RRBP1: variants seen among roughly 807,000 people sequenced by gnomAD.
RRBP1 encodes ribosome binding protein 1, also known as ribosome-binding protein 1.
Under a neutral mutation model 165.2 loss-of-function variants are expected in RRBP1, and 94 were observed. The ratio of observed to expected loss-of-function variants is 0.57; its 90% CI spans 0.48 to 0.68. The LOEUF is 0.68. Ranked by LOEUF, RRBP1 falls within the 30% of genes least tolerant of loss-of-function variation. The pLI is 0.00. For synonymous variants in RRBP1, 680 were observed against 714.5 expected, an observed-to-expected ratio of 0.95 and a Z score of 0.77; for missense variants, 1,676 against 1,763.0, an observed-to-expected ratio of 0.95 and a Z score of 0.88.
chr20:17,670,591 T>G (rs1273411592), intron 2 of RRBP1, among the ~76,000 whole-genome samples: 1 of 152,218 alleles, frequency 6.6e-6, no homozygotes, highest in East Asian at 1.9e-4. Context: ...TCTCCAACAT[T>G]ATTCTTTTAC....
intron 2 of RRBP1, among the ~76,000 whole-genome samples, chr20:17,672,784 T>C (rs971874019): frequency 6.6e-6 from 1 of 152,236 alleles, no homozygotes; most frequent in African/African-American, 2.4e-5. Flanking sequence ...TAAACTCATA[T>C]ATTCACATGC....
At position 17,636,658 on chromosome 20, in the gene RRBP1, C is replaced by T. The variant is rs748259395; in HGVS notation, c.2256G>A (p.Glu752=). The part of the protein sequence containing the change: ...AKVKKQLVAR[E]QEITAVQARM... ...GTGCCTGCACAGCCGTGATCTCCTG[C>T]TCCCGGGCCACCAGCTGCTTTTTCA... The change falls in exon 6 of 25, where the codon GAG becomes GAA. Residue 752 remains glutamate (E), a synonymous_variant. Coordinates refer to ENST00000377813, the MANE Select transcript of RRBP1 (RefSeq NM_001365613.2). 8 of 1,613,248 alleles carry T rather than the reference C, an allele frequency of 5.0e-6. No homozygotes were observed. In the East Asian group the frequency reaches 1.3e-4, roughly 27 times the overall value.
At position 17,614,857 on chromosome 20, in the gene RRBP1, C is replaced by CTT; in HGVS notation, c.4072_4073dup (p.Leu1359SerfsTer2). On this transcript the variant is annotated frameshift_variant, in exon 24 of 25. Transcript: ENST00000377813. LOFTEE classifies it high-confidence loss of function. ...CGGCGCGCCCCAGGTCACTTGTTAA[C>CTT]TTCTTCTCTTTTTCTAGTCTCTCCT... is the stretch of plus-strand genomic sequence containing the variant. The CTT allele has an allele frequency of 6.2e-7, 1 of 1,613,030 alleles. No homozygotes were observed. The highest frequency in any genetic ancestry group is 8.5e-7 in the Non-Finnish European group (1 of 1,179,892).
chr20:17,614,267 T>A (rs1244541898), intron 24 of RRBP1, 47 bp from the exon 25 acceptor site: 1 of 1,596,008 alleles, frequency 6.3e-7, no homozygotes, highest in Non-Finnish European at 8.6e-7. Flanking sequence ...CCACGAGCCA[T>A]GGCAGAACCA....
chr20:17,617,143 C>T (rs897721460), intron 20 of RRBP1, among the ~76,000 whole-genome samples: 2 of 152,228 alleles, frequency 1.3e-5, no homozygotes, highest in African/African-American at 2.4e-5. Context: ...CAAAGGAATC[C>T]GAATGGAACC....
At chr20:17,645,741 C>T (rs528900116) in intron 3 of RRBP1, among the ~76,000 whole-genome samples, 4 of 152,196 alleles carry the variant, frequency 2.6e-5, no homozygotes, top group Admixed American at 2.0e-4. Flanking sequence ...AGCAAATACT[C>T]GAAGATACCA....
At chr20:17,653,788 C>G (rs1051617692) in intron 3 of RRBP1, among the ~76,000 whole-genome samples, 1 of 147,950 alleles carries the variant, frequency 6.8e-6, no homozygotes, top group Non-Finnish European at 1.5e-5. Context: ...GAGCCGAGAT[C>G]GTGCCATTAC....
At chr20:17,634,507 G>A (rs1348278081) in intron 7 of RRBP1, among the ~76,000 whole-genome samples, 2 of 152,222 alleles carry the variant, frequency 1.3e-5, no homozygotes, top group Non-Finnish European at 2.9e-5. Context: ...GCGGAAGGTC[G>A]TGTGGTGCCC....
intron 19 of RRBP1, chr20:17,619,267 G>T (rs528319872): frequency 1.0e-4 from 21 of 208,546 alleles, no homozygotes; most frequent in African/African-American, 4.6e-4. Context: ...TTGTGCTTCT[G>T]CTTCTGAAGA....
rs2036716648 is a variant in RRBP1, at chr20:17,659,504, G to A, written c.1004C>T (p.Ala335Val). 1 of 1,545,044 alleles carries A rather than the reference G, an allele frequency of 6.5e-7. No individual in the cohort carries two copies. Among genetic ancestry groups the A allele is most frequent in the Non-Finnish European group, 8.7e-7 (1 of 1,145,628 alleles). Residue 335 changes from alanine to valine, a missense_variant, in exon 3 of 25, where the codon GCC (alanine) becomes GTC (valine). By Grantham distance (64) the Ala-to-Val change is moderately conservative. Transcript: ENST00000377813. ...CTCGGCCTTCTTGCCCTGATTCTGG[G>A]CCCCCTCGGCCTTCTTGCCCTGGTT... ...AQNQGKKAEG[A>V]QNQGKKAEGA...
intron 16 of RRBP1, among the ~76,000 whole-genome samples, 174 bp downstream of exon 16, chr20:17,621,284 T>C (rs980704275): frequency 1.4e-4 from 21 of 152,086 alleles, no homozygotes; most frequent in Admixed American, 9.8e-4. Flanking sequence ...TTAGAAACAA[T>C]GACGACCTCA....
At chr20:17,632,973 A>G (rs2036180966) in intron 8 of RRBP1, among the ~76,000 whole-genome samples, 2 of 152,228 alleles carry the variant, frequency 1.3e-5, no homozygotes, top group African/African-American at 4.8e-5. Context: ...GGCTGCGTCC[A>G]CAGCCTGTGG....
At chr20:17,633,973 T>G (rs2036201596) in intron 7 of RRBP1, among the ~76,000 whole-genome samples, 1 of 152,202 alleles carries the variant, frequency 6.6e-6, no homozygotes, top group Non-Finnish European at 1.5e-5. Flanking sequence ...TGTAGGCCTG[T>G]GGGCAGCAGC....
intron 11 of RRBP1, among the ~76,000 whole-genome samples, chr20:17,625,939 C>A (rs1306799820): frequency 6.6e-6 from 1 of 152,186 alleles, no homozygotes; most frequent in Non-Finnish European, 1.5e-5. Context: ...TTCCCTGCAT[C>A]ATGTGACAGC....
At chr20:17,675,765 G>A (rs1240205073) in intron 2 of RRBP1, among the ~76,000 whole-genome samples, 4 of 152,262 alleles carry the variant, frequency 2.6e-5, no homozygotes, top group African/African-American at 9.6e-5. Context: ...AAGCTAGAGC[G>A]AAAGTGCCCT....
chr20:17,668,807 G>C (rs899783218), intron 2 of RRBP1, among the ~76,000 whole-genome samples: 1 of 152,116 alleles, frequency 6.6e-6, no homozygotes, highest in Non-Finnish European at 1.5e-5. Context: ...CGATAATACC[G>C]CACCCCTACC....
intron 7 of RRBP1, among the ~76,000 whole-genome samples, chr20:17,633,926 C>A (rs1470544657): frequency 1.3e-5 from 2 of 152,258 alleles, no homozygotes; most frequent in Non-Finnish European, 2.9e-5. Context: ...TGGGTGCAAA[C>A]CAGCCTTGAG....
intron 2 of RRBP1, among the ~76,000 whole-genome samples, chr20:17,663,064 A>G (rs964299201): frequency 4.6e-5 from 7 of 152,198 alleles, no homozygotes; most frequent in Admixed American, 2.0e-4. Context: ...TAGAGAAACG[A>G]ACATTAGGGG....
At position 17,643,258 on chromosome 20, in the gene RRBP1, G is replaced by C; in HGVS notation, c.1913-131C>G. Reference sequence around the variant, plus strand: ...CTCTCTGACTGCTTGGGGTCAGCAGGCTGAGCATGGCGAGTCTGCTCCAGT... The same window carrying C: ...CTCTCTGACTGCTTGGGGTCAGCAGCCTGAGCATGGCGAGTCTGCTCCAGT... On this transcript the variant is annotated intron_variant, in intron 3 of 24. Coordinates refer to ENST00000377813, the MANE Select transcript of RRBP1 (RefSeq NM_001365613.2). The surrounding 1 kb of genome is among the most constrained non-coding windows in gnomAD (Gnocchi z 4.3). The C allele has an allele frequency of 1.1e-6, 1 of 875,462 alleles. No homozygotes were observed. Among genetic ancestry groups the C allele is most frequent in the Non-Finnish European group, 1.7e-6 (1 of 578,836 alleles). 54.2% of individuals were successfully genotyped at this position (875,462 alleles called of 1,614,324 possible).
Sources: allele counts gnomAD v4.1 joint callset (sites outside exome capture counted in the v4.1 genomes callset), GRCh38; gene constraint gnomAD v4.1.1; non-coding constraint Gnocchi (gnomAD v3.1); transcripts MANE v1.5; gene names NCBI Gene and HGNC (gene_info 2026-07-23, HGNC 2026-07-21).